JAML: variants seen among roughly 807,000 people sequenced by gnomAD.
JAML encodes junctional adhesion molecule-like.
Under a neutral mutation model 39.3 loss-of-function variants are expected in JAML, and 25 were observed. The ratio of observed to expected loss-of-function variants is 0.64; its 90% CI spans 0.46 to 0.89. The LOEUF (loss-of-function observed/expected upper bound fraction) is 0.89. JAML is among the 40% of genes least tolerant of loss of function. The pLI is 0.00. For missense variants in JAML, 440 were observed against 486.9 expected, an observed-to-expected ratio of 0.90 and a Z score of 0.91; for synonymous variants, 162 against 179.2, an observed-to-expected ratio of 0.90 and a Z score of 0.77.
chr11:118,208,095 G>A (rs1347049331), intron 4 of JAML, among the ~76,000 whole-genome samples: 2 of 96,730 alleles, frequency 2.1e-5, no homozygotes, highest in Non-Finnish European at 5.3e-5. Context: ...GCCAGGCATG[G>A]TGATGCACAC....
chr11:118,212,959 G>A (rs867058640), intron 2 of JAML: 2 of 1,614,072 alleles, frequency 1.2e-6, no homozygotes, highest in Middle Eastern at 1.6e-4. Flanking sequence ...ATCTCCCACT[G>A]GTTCCCTCTC....
intron 4 of JAML, among the ~76,000 whole-genome samples, chr11:118,207,669 A>G (rs1948946529): frequency 6.6e-6 from 1 of 152,222 alleles, no homozygotes; most frequent in Non-Finnish European, 1.5e-5. Flanking sequence ...TGGTGGAGGC[A>G]ACTTACATAA....
At chr11:118,207,267 G>T (rs367728679) in intron 4 of JAML, among the ~76,000 whole-genome samples, 10 of 152,194 alleles carry the variant, frequency 6.6e-5, no homozygotes, top group African/African-American at 1.4e-4. Flanking sequence ...ACCACCATGT[G>T]CTAGACACCC....
At chr11:118,208,625 A>G (rs1403047589) in intron 4 of JAML, among the ~76,000 whole-genome samples, 1 of 152,248 alleles carries the variant, frequency 6.6e-6, no homozygotes, top group East Asian at 1.9e-4. Context: ...AAATGGCCCC[A>G]GATTCTAGTT....
Position 118,194,306 on chromosome 11 carries a change from A to G in JAML, c.*19T>C. On this transcript the variant is annotated 3_prime_UTR_variant, in exon 10 of 10. Transcript: ENST00000356289. ...GAGAGTCTCCACCGCTGCTGAGATG[A>G]AGGGACTCTCCATTCTTCTCAAAAG... The G allele has an allele frequency of 6.2e-7, 1 of 1,603,462 alleles. No homozygotes were observed. Among genetic ancestry groups the G allele is most frequent in the Non-Finnish European group, 8.5e-7 (1 of 1,170,546 alleles).
intron 7 of JAML, among the ~76,000 whole-genome samples, chr11:118,200,168 A>G (rs901534805): frequency 6.6e-6 from 1 of 152,056 alleles, no homozygotes; most frequent in African/African-American, 2.4e-5. Context: ...TAGGCAGTGA[A>G]TGGTACCATG....
chr11:118,211,957 T>C (rs931190855), intron 3 of JAML, among the ~76,000 whole-genome samples: 3 of 152,146 alleles, frequency 2.0e-5, no homozygotes, highest in Admixed American at 6.5e-5. Context: ...AAAAAGATCA[T>C]TGTGGTATAG....
chr11:118,207,079 G>T (rs1948932170), intron 4 of JAML, among the ~76,000 whole-genome samples: 2 of 152,242 alleles, frequency 1.3e-5, no homozygotes, highest in Non-Finnish European at 2.9e-5. Flanking sequence ...GAAAGCAAAA[G>T]AAAATATTAT....
chr11:118,200,372 G>A, intron 7 of JAML, 102 bp downstream of exon 7: 1 of 1,385,240 alleles, frequency 7.2e-7, no homozygotes, highest in Non-Finnish European at 9.9e-7. Flanking sequence ...CCCCTTCTGT[G>A]AGAATGGCAT....
At chr11:118,211,929 GTCC>G (rs1949067841) in intron 3 of JAML, among the ~76,000 whole-genome samples, 1 of 152,238 alleles carries the variant, frequency 6.6e-6, no homozygotes, top group African/African-American at 2.4e-5. Context: ...GAAAGAATCT[GTCC>G]TCCTCCCCAC....
rs1478643314 is a variant in JAML, at chr11:118,194,326, CA to C, written c.1183del (p.Ter395GlufsTer66). The C allele has an allele frequency of 6.2e-7, 1 of 1,613,242 alleles. No homozygotes were observed. The highest frequency in any genetic ancestry group is 2.2e-5 in the East Asian group (1 of 44,870). The part of the protein sequence containing the change: ...GGMPKTQQAF[*>X] Reference sequence around the variant, plus strand: ...AGATGAAGGGACTCTCCATTCTTCTCAAAAGGCTTGCTGTGTTTTTGGCATT... The same window carrying C: ...AGATGAAGGGACTCTCCATTCTTCTCAAAGGCTTGCTGTGTTTTTGGCATT... On this transcript the variant is annotated frameshift_variant and stop_lost, in exon 10 of 10. Transcript: ENST00000356289. LOFTEE classifies it high-confidence loss of function.
rs759449251 is a variant in JAML, at chr11:118,200,499, C to T, written c.886G>A (p.Val296Met). ...CTCTTATTTCCACAGGTCTTCTTCA[C>T]GATCAATATCAGAACAGGGAGCAGC... ...ILLLPVLILI[V>M]KKTCGNKSSV... The change falls in exon 7 of 10, where the codon GTG becomes ATG. Residue 296 changes from valine (V) to methionine (M), a missense_variant. Val to Met is a conservative substitution (Grantham distance 21, BLOSUM62 1). Coordinates refer to ENST00000356289, the MANE Select transcript of JAML (RefSeq NM_001098526.2). 1.9e-5 allele frequency: 30 copies of T among 1,613,962 alleles called. No homozygotes were observed. Among genetic ancestry groups the T allele is most frequent in the Middle Eastern group, 1.6e-4 (1 of 6,084 alleles).
intron 3 of JAML, 31 bp downstream of exon 3, chr11:118,212,376 C>A (rs1374860701): frequency 6.2e-7 from 1 of 1,609,484 alleles, no homozygotes; most frequent in Admixed American, 1.7e-5. Context: ...TCAGGGGCTT[C>A]TATTACATAG....
chr11:118,219,686 C>G (rs747071633), intron 1 of JAML, among the ~76,000 whole-genome samples: 1 of 152,202 alleles, frequency 6.6e-6, no homozygotes, highest in East Asian at 1.9e-4. Flanking sequence ...CATTTGCTGC[C>G]GGTGACATCG....
At chr11:118,214,913 A>C (rs769147074) in intron 1 of JAML, 27 bp from the exon 2 acceptor site, 9 of 1,596,900 alleles carry the variant, frequency 5.6e-6, no homozygotes, top group Non-Finnish European at 7.7e-6. Context: ...AAAAATCACA[A>C]AATCATGTCA....
intron 2 of JAML, among the ~76,000 whole-genome samples, chr11:118,213,787 C>T (rs1000033150): frequency 2.0e-5 from 3 of 152,214 alleles, no homozygotes; most frequent in Non-Finnish European, 4.4e-5. Context: ...CCCAGTGCCA[C>T]CAAGTCACCA....
intron 1 of JAML, among the ~76,000 whole-genome samples, chr11:118,216,058 T>G (rs1949136503): frequency 6.6e-6 from 1 of 152,186 alleles, no homozygotes; most frequent in African/African-American, 2.4e-5. Context: ...GCACATACGG[T>G]AGCCATTTTA....
chr11:118,203,729 A>C (rs79641609), intron 5 of JAML, 64 bp from the exon 6 acceptor site: 2 of 1,383,268 alleles, frequency 1.4e-6, no homozygotes, highest in South Asian at 2.3e-5. Context: ...AGCAGAGAAA[A>C]TGGGGGAGGG....
At chr11:118,218,388 C>T (rs1949170876) in intron 1 of JAML, among the ~76,000 whole-genome samples, 2 of 152,196 alleles carry the variant, frequency 1.3e-5, no homozygotes, top group South Asian at 2.1e-4. Flanking sequence ...CTGCTATGCC[C>T]GGCAGCCACA....
Sources: gnomAD v4.1 joint callset for allele counts (sites outside exome capture counted in the v4.1 genomes callset) on GRCh38, gnomAD v4.1.1 for gene constraint, MANE v1.5 for transcripts, NCBI Gene and HGNC (gene_info 2026-07-23, HGNC 2026-07-21) for gene names.